Variants in WDR74 observed in about 807,000 individuals in gnomAD.
WDR74 encodes WD repeat-containing protein 74.
Under a neutral mutation model 45.6 loss-of-function variants are expected in WDR74, and 31 were observed. The ratio of observed to expected loss-of-function variants is 0.68; its 90% CI spans 0.51 to 0.92. The LOEUF (loss-of-function observed/expected upper bound fraction) is 0.92. Among genes scored for constraint, WDR74 ranks in the 40% least tolerant of loss-of-function variants. The pLI, the probability that WDR74 is intolerant of heterozygous loss-of-function variation, is 0.00. For missense variants in WDR74, 455 were observed against 497.2 expected (o/e 0.92, Z 0.81); for synonymous variants, 191 against 192.4 (o/e 0.99, Z 0.06).
At chr11:62,841,611 C>G (rs1052363857), upstream of WDR74, 3 of 152,170 alleles carry the variant, frequency 2.0e-5, no homozygotes, top group Admixed American at 6.5e-5. Flanking sequence ...GTTGTTCTCT[C>G]CCCGAAGGGA....
At chr11:62,841,386 A>G (rs566926696), upstream of WDR74, among the ~76,000 whole-genome samples, 2 of 152,020 alleles carry the variant, frequency 1.3e-5, no homozygotes, top group African/African-American at 4.8e-5. Context: ...CAATAGTTCC[A>G]ACTACCCCAG....
rs2085007646 is a variant in WDR74 at position 62,839,255 on chromosome 11, G to A, written c.172-20C>T. ...CAGCATCTGCGGCAAAGAAGGGCAA[G>A]ATGGCGAGGAGAGCGAGGCTGCTGC... On this transcript the variant is annotated intron_variant, in intron 2 of 10. Coordinates refer to ENST00000278856, the MANE Select transcript of WDR74 (RefSeq NM_001369450.1). 1 of 1,613,124 alleles carries A rather than the reference G, an allele frequency of 6.2e-7. No individual in the cohort carries two copies.
rs2084912435 is a variant in WDR74, at chr11:62,833,689, G to T, written c.922-15C>A. The stretch of plus-strand genomic sequence containing the variant: ...TTGAGATAAACCTGCAAAAGATGAG[G>T]GACCTTAAGGAGCCAGGCATGCTGA... On this transcript the variant is annotated splice_polypyrimidine_tract_variant and intron_variant, in intron 9 of 10. Coordinates refer to ENST00000278856, the MANE Select transcript of WDR74 (RefSeq NM_001369450.1). 1 of 1,563,404 alleles carries T rather than the reference G, an allele frequency of 6.4e-7. No homozygotes were observed. The highest frequency in any genetic ancestry group is 1.4e-5 in the African/African-American group (1 of 73,570).
chr11:62,835,328 G>T, intron 6 of WDR74, 103 bp downstream of exon 6: 1 of 1,074,270 alleles, frequency 9.3e-7, no homozygotes, highest in South Asian at 1.4e-5. Flanking sequence ...TTGCTCCTCT[G>T]AACTCAGAAT....
upstream of WDR74, among the ~76,000 whole-genome samples, chr11:62,841,285 C>G (rs548369767): frequency 1.8e-4 from 28 of 152,280 alleles, no homozygotes; most frequent in South Asian, 4.8e-3. Flanking sequence ...CCATTGCACT[C>G]TAGCCTGGGC....
Position 62,834,265 on chromosome 11 carries a change from A to G in WDR74, c.775+11T>C. The stretch of plus-strand genomic sequence containing the variant: ...TCCTTCCTTTCCCCCAATGTACCCT[A>G]GTCCACTCACCTTGCCGAAGGTCAA... On this transcript the variant is annotated intron_variant, in intron 8 of 10. Coordinates refer to ENST00000278856, the MANE Select transcript of WDR74 (RefSeq NM_001369450.1). 6.2e-7 allele frequency: 1 copy of G among 1,613,826 alleles called. No individual in the cohort carries two copies. The highest frequency in any genetic ancestry group is 1.1e-5 in the South Asian group (1 of 91,074).
chr11:62,834,824 G>A (rs1196921405), intron 6 of WDR74: 2 of 409,024 alleles, frequency 4.9e-6, no homozygotes, highest in Non-Finnish European at 8.9e-6. Context: ...AGTTGGTCTA[G>A]TAGTCAGTAG....
rs768820241 is a variant in WDR74 at position 62,839,203 on chromosome 11, C to T, written c.204G>A (p.Lys68=). 6.2e-7 allele frequency: 1 copy of T among 1,613,714 alleles called. No homozygotes were observed. The highest frequency in any genetic ancestry group is 2.2e-5 in the East Asian group (1 of 44,890). Residue 68 remains lysine (K), a synonymous_variant, in exon 3 of 11, where the codon AAG becomes AAA. Transcript: ENST00000278856. ...ATATGCCATCCTCGGTGCTGAAGTG[C>T]TTCACCGTCCTGTCCGCGCAGCCCA... The part of the protein sequence containing the change: ...MLVGCADRTV[K]HFSTEDGIFQ...
intron 3 of WDR74, 63 bp from the exon 4 acceptor site, chr11:62,836,099 C>A: frequency 6.9e-7 from 1 of 1,453,134 alleles, no homozygotes; most frequent in Non-Finnish European, 9.5e-7. Flanking sequence ...TAATCTTTCT[C>A]TCCTCCTTAC....
At chr11:62,834,699 C>G (rs1009617016) in intron 6 of WDR74, 172 bp from the exon 7 acceptor site, 9 of 630,952 alleles carry the variant, frequency 1.4e-5, no homozygotes, top group Admixed American at 5.9e-5. Context: ...GTCAGGAGAG[C>G]TGCTTAGCAG....
intron 10 of WDR74, 49 bp downstream of exon 10, chr11:62,833,569 C>A: frequency 1.3e-6 from 2 of 1,549,378 alleles, no homozygotes; most frequent in South Asian, 2.4e-5. Context: ...ATAGGGAGGT[C>A]CTCACATCTA....
At chr11:62,841,576 G>T (rs139561426), upstream of WDR74, 3 of 152,296 alleles carry the variant, frequency 2.0e-5, no homozygotes, top group African/African-American at 7.2e-5. Flanking sequence ...TACCCTAACT[G>T]ATCGAAATCT....
At position 62,838,314 on chromosome 11, in the gene WDR74, G is replaced by A. The variant is rs185472426; in HGVS notation, c.293+800C>T. Reference sequence around the variant, plus strand: ...ATTACAGGCATGAGCCACCACACCCGGATAATTTTTGTATTTTTTTAGTAG... The same window carrying A: ...ATTACAGGCATGAGCCACCACACCCAGATAATTTTTGTATTTTTTTAGTAG... On this transcript the variant is annotated intron_variant, in intron 3 of 10. Transcript: ENST00000278856. Among the ~76,000 whole-genome samples, 697 of 150,898 alleles carry A rather than the reference G, an allele frequency of 4.6e-3. 5 individuals carry two copies. Among genetic ancestry groups the A allele is most frequent in the African/African-American group, 0.016 (675 of 41,216 alleles).
At chr11:62,833,557 C>T (rs1314143475) in intron 10 of WDR74, 61 bp downstream of exon 10, 7 of 1,543,776 alleles carry the variant, frequency 4.5e-6, no homozygotes, top group Non-Finnish European at 6.1e-6. Context: ...CTTTTCCTCT[C>T]CATAGGGAGG....
upstream of WDR74, chr11:62,839,629 G>A (rs1475558981): frequency 6.5e-7 from 1 of 1,549,452 alleles, no homozygotes; most frequent in Non-Finnish European, 8.7e-7. Context: ...TCACCAGCGG[G>A]CGTCGAGTCC....
chr11:62,835,598 C>G, intron 5 of WDR74, 66 bp from the exon 6 acceptor site: 1 of 1,613,174 alleles, frequency 6.2e-7, no homozygotes, highest in South Asian at 1.1e-5. Context: ...TTTCAGCCCT[C>G]CTTCGCCCCC....
chr11:62,834,390 G>GGGGGGCCCCCCCC, intron 7 of WDR74, 37 bp downstream of exon 7: 1 of 1,584,242 alleles, frequency 6.3e-7, no homozygotes, highest in Non-Finnish European at 8.6e-7. Context: ...CCCTTCTCAA[G>GGGGGGCCCCCCCC]CCCCACCCTC....
chr11:62,836,296 T>C (rs1052093911), intron 3 of WDR74: 2 of 437,224 alleles, frequency 4.6e-6, no homozygotes, highest in African/African-American at 2.0e-5. Context: ...CTCAACAGGG[T>C]GAGGGTTTAC....
chr11:62,841,316 C>CA (rs199902916), upstream of WDR74, among the ~76,000 whole-genome samples: 3,813 of 151,492 alleles, frequency 0.025, 146 homozygotes, highest in African/African-American at 0.088. Flanking sequence ...GACGACGTCT[C>CA]AAAAAAAATA....
Sources: gnomAD v4.1 joint callset for allele counts (sites outside exome capture counted in the v4.1 genomes callset) on GRCh38, gnomAD v4.1.1 for gene constraint, MANE v1.5 for transcripts, NCBI Gene and HGNC (gene_info 2026-07-23, HGNC 2026-07-21) for gene names.